LCOR: variants seen among roughly 807,000 people sequenced by gnomAD.
LCOR encodes the protein ligand-dependent corepressor.
LCOR carries 14 observed loss-of-function variants against 64.4 expected under a neutral mutation model. The observed-to-expected ratio is 0.22, with a 90% CI of 0.14 to 0.34. The LOEUF (loss-of-function observed/expected upper bound fraction) is 0.34, where lower values mean the gene tolerates loss of function less well. Among genes scored for constraint, LCOR ranks in the 10% least tolerant of loss-of-function variants. The probability of loss-of-function intolerance (pLI) is 1.00; values close to 1 mark genes in which losing one functional copy is unlikely to be tolerated. For synonymous variants in LCOR, 643 were observed against 642.5 expected (o/e 1.00, Z -0.01); for missense variants, 1,686 against 1,765.3 (o/e 0.96, Z 0.80).
chr10:96,886,410 G>A lies in LCOR; in HGVS notation c.-329-20855G>A, dbSNP rs192196777. ...AGCATTTCCTTTGAGGATCATGACC[G>A]TGCTAAAAAAGTTTCAGATTTTGGA... On this transcript the variant is annotated intron_variant, in intron 2 of 7. Coordinates refer to ENST00000421806, the MANE Select transcript of LCOR (RefSeq NM_001346516.2). 1.0e-3 allele frequency among the ~76,000 whole-genome samples: 153 copies of A among 152,266 alleles called. 1 individual carries two copies. The highest frequency in any genetic ancestry group is 3.6e-3 in the Admixed American group (55 of 15,292).
intron 2 of LCOR, among the ~76,000 whole-genome samples, chr10:96,875,752 C>A (rs570033949): frequency 3.4e-4 from 52 of 151,980 alleles, no homozygotes; most frequent in African/African-American, 1.2e-3. Context: ...GTCCCAGCTA[C>A]TTGGGAGGCT....
At chr10:96,948,217 ATTATT>A (rs1016550753) in intron 5 of LCOR, among the ~76,000 whole-genome samples, 2 of 152,112 alleles carry the variant, frequency 1.3e-5, no homozygotes, top group Non-Finnish European at 2.9e-5. Flanking sequence ...TGTTTATTTC[ATTATT>A]TTATTTTTTT....
chr10:96,966,291 C>T (rs893478693), intron 7 of LCOR, among the ~76,000 whole-genome samples: 4 of 131,018 alleles, frequency 3.1e-5, no homozygotes, highest in East Asian at 2.3e-4. Context: ...TGCAGTGGCG[C>T]GATCTCGGCT....
chr10:96,898,336 C>T (rs1237444439), intron 2 of LCOR, among the ~76,000 whole-genome samples: 2 of 152,036 alleles, frequency 1.3e-5, no homozygotes, highest in Non-Finnish European at 2.9e-5. Context: ...TGTGACTGAT[C>T]AGTATGGCCA....
chr10:96,896,526 C>T (rs1289386226), intron 2 of LCOR, among the ~76,000 whole-genome samples: 3 of 152,076 alleles, frequency 2.0e-5, no homozygotes, highest in Admixed American at 1.3e-4. Context: ...CAGGCTCAAG[C>T]GATTCTCCCG....
chr10:96,912,607 TCTTC>T lies in LCOR; in HGVS notation c.-184+4896_-184+4899del, dbSNP rs80278478. On this transcript the variant is annotated intron_variant, in intron 4 of 7. Coordinates refer to ENST00000421806, the MANE Select transcript of LCOR (RefSeq NM_001346516.2). ...TCTGTAAGATCTTCCTTTCTTCCTT[TCTTC>T]CTTCCTTCCTTCCTTCCTTCCTTCC... Among the ~76,000 whole-genome samples the T allele has an allele frequency of 5.7e-3, 807 of 140,378 alleles. 2 individuals carry two copies. The highest frequency in any genetic ancestry group is 0.019 in the East Asian group (88 of 4,728). 92.1% of individuals were successfully genotyped at this position (140,378 alleles called of 152,430 possible).
intron 2 of LCOR, among the ~76,000 whole-genome samples, chr10:96,834,232 C>T (rs1475833936): frequency 6.6e-6 from 1 of 152,176 alleles, no homozygotes; most frequent in Non-Finnish European, 1.5e-5. Context: ...GTATCTGATA[C>T]CAGTTTGGTT....
intron 7 of LCOR, among the ~76,000 whole-genome samples, chr10:96,964,644 G>A (rs953964326): frequency 6.6e-6 from 1 of 152,040 alleles, no homozygotes; most frequent in African/African-American, 2.4e-5. Context: ...ATATTGCGTT[G>A]TAAACTCAGT....
intron 2 of LCOR, among the ~76,000 whole-genome samples, chr10:96,834,733 T>C (rs1055672400): frequency 6.6e-6 from 1 of 152,204 alleles, no homozygotes; most frequent in Admixed American, 6.5e-5. Context: ...GTAGATTTTC[T>C]GAGTTCCATG....
In LCOR at chr10:96,862,869, CTTTCT is replaced by C. The variant is rs771382849; in HGVS notation, c.-330+29404_-330+29408del. ...TTTTTAAAGTTTAGTAATATGTTTT[CTTTCT>C]TTTCTTTTCTTTTTTTTTTTTTTGA... On this transcript the variant is annotated intron_variant, in intron 2 of 7. Transcript: ENST00000421806. Among the ~76,000 whole-genome samples, 338 of 151,200 alleles carry C rather than the reference CTTTCT, an allele frequency of 2.2e-3. 1 individual carries two copies. The highest frequency in any genetic ancestry group is 1.9e-3 in the Non-Finnish European group (131 of 67,766).
At chr10:96,918,564 G>C (rs1488932971) in intron 4 of LCOR, among the ~76,000 whole-genome samples, 1 of 152,164 alleles carries the variant, frequency 6.6e-6, no homozygotes, top group Non-Finnish European at 1.5e-5. Context: ...GAGCTAAAGG[G>C]AGAAGCTTAA....
In LCOR at chr10:96,898,167, T is replaced by C. The variant is rs149752165; in HGVS notation, c.-329-9098T>C. Among the ~76,000 whole-genome samples, 1,043 of 152,298 alleles carry C rather than the reference T, an allele frequency of 6.8e-3. 12 individuals are homozygous for C. The highest frequency in any genetic ancestry group is 0.024 in the African/African-American group (993 of 41,544). On this transcript the variant is annotated intron_variant, in intron 2 of 7. Coordinates refer to ENST00000421806, the MANE Select transcript of LCOR (RefSeq NM_001346516.2). ...TAAATACCAAAAAAAGGTATATAAA[T>C]AGTACAACTTGAGTACTGATGAGGA...
chr10:96,860,548 G>A (rs968046194), intron 2 of LCOR, among the ~76,000 whole-genome samples: 5 of 152,174 alleles, frequency 3.3e-5, no homozygotes, highest in African/African-American at 9.7e-5. Flanking sequence ...CTCTAGAATC[G>A]CAATGTTGTT....
chr10:96,901,758 G>C (rs547975312), intron 2 of LCOR, among the ~76,000 whole-genome samples: 1 of 151,390 alleles, frequency 6.6e-6, no homozygotes, highest in Non-Finnish European at 1.5e-5. Context: ...CCTTCCATCC[G>C]TTCCTCCATC....
chr10:96,883,382 C>T (rs1415038245), intron 2 of LCOR, among the ~76,000 whole-genome samples: 1 of 152,170 alleles, frequency 6.6e-6, no homozygotes, highest in Non-Finnish European at 1.5e-5. Flanking sequence ...GAGTAATTAC[C>T]AAGAAGTGCA....
At chr10:96,942,286 A>AG (rs1390782218) in intron 4 of LCOR, among the ~76,000 whole-genome samples, 1 of 151,384 alleles carries the variant, frequency 6.6e-6, no homozygotes, top group South Asian at 2.1e-4. Flanking sequence ...CCAAAAAAAA[A>AG]ACGAAAACCA....
intron 2 of LCOR, among the ~76,000 whole-genome samples, chr10:96,895,984 A>G (rs1227506659): frequency 6.6e-6 from 1 of 152,124 alleles, no homozygotes; most frequent in Admixed American, 6.5e-5. Context: ...CAGGAGGCTG[A>G]GGCAGGAGGA....
At chr10:96,834,501 T>C (rs1406083576) in intron 2 of LCOR, among the ~76,000 whole-genome samples, 2 of 152,218 alleles carry the variant, frequency 1.3e-5, no homozygotes, top group African/African-American at 4.8e-5. Flanking sequence ...AAGTACTTTT[T>C]GAATTACTTG....
rs140596273 is a variant in LCOR, at chr10:96,983,281, C to T, written c.2821C>T (p.Leu941=). The T allele has an allele frequency of 1.6e-5, 26 of 1,614,104 alleles. No individual in the cohort carries two copies. In the African/African-American group the frequency reaches 2.9e-4, roughly 18 times the overall value. ...CCCCATAACCACAGCTGGACAGCCA[C>T]TGCCTGGAGAGAGATTGGAAATCTA... ...RDPITTAGQP[L]PGERLEIYVQ... is the part of the protein sequence containing the mutation. Residue 941 remains leucine (L), a synonymous_variant, in exon 8 of 8, where the codon CTG becomes TTG. Coordinates refer to ENST00000421806, the MANE Select transcript of LCOR (RefSeq NM_001346516.2). The surrounding 1 kb of genome is among the most constrained non-coding windows in gnomAD (Gnocchi z 4.5).
Sources: allele counts gnomAD v4.1 joint callset (sites outside exome capture counted in the v4.1 genomes callset), GRCh38; gene constraint gnomAD v4.1.1; non-coding constraint Gnocchi (gnomAD v3.1); transcripts MANE v1.5; gene names NCBI Gene and HGNC (gene_info 2026-07-23, HGNC 2026-07-21).